DLG2: variants seen among roughly 807,000 people sequenced by gnomAD.
DLG2 encodes discs large MAGUK scaffold protein 2, also known as disks large homolog 2.
Under a neutral mutation model 132.5 loss-of-function variants are expected in DLG2, and 45 were observed. That is an observed-to-expected ratio of 0.34 (90% CI 0.27 to 0.44). The LOEUF (loss-of-function observed/expected upper bound fraction) is 0.44, where lower values mean the gene tolerates loss of function less well. DLG2 is among the 20% of genes least tolerant of loss of function. The pLI, the probability that DLG2 is intolerant of heterozygous loss-of-function variation, is 1.00. For missense variants in DLG2, 1,045 were observed against 1,196.9 expected, an observed-to-expected ratio of 0.87 and a Z score of 1.87; for synonymous variants, 424 against 419.6, an observed-to-expected ratio of 1.01 and a Z score of -0.13.
At chr11:83,815,704 T>C (rs894083539) in intron 17 of DLG2, among the ~76,000 whole-genome samples, 10 of 152,164 alleles carry the variant, frequency 6.6e-5, no homozygotes, top group Non-Finnish European at 1.3e-4. Context: ...GTTTGAATGT[T>C]CAGTGCCTTT....
At chr11:84,911,346 T>C (rs2092039208) in intron 6 of DLG2, among the ~76,000 whole-genome samples, 1 of 151,900 alleles carries the variant, frequency 6.6e-6, no homozygotes, top group Admixed American at 6.6e-5. Flanking sequence ...TCAAGTTTTT[T>C]ACAATCATCA....
intron 19 of DLG2, among the ~76,000 whole-genome samples, chr11:83,628,510 G>C (rs1200311785): frequency 6.6e-6 from 1 of 152,122 alleles, no homozygotes. Context: ...TAACTTCTCC[G>C]AGTTTCAGTT....
chr11:84,499,749 C>G (rs2099197162), intron 7 of DLG2, among the ~76,000 whole-genome samples: 1 of 148,410 alleles, frequency 6.7e-6, no homozygotes, highest in Admixed American at 6.7e-5. Flanking sequence ...TATATTCCTT[C>G]CTCTCTCTCT....
chr11:84,168,893 C>T (rs187078390), intron 8 of DLG2, among the ~76,000 whole-genome samples: 88 of 151,814 alleles, frequency 5.8e-4, no homozygotes, highest in African/African-American at 2.0e-3. Context: ...TAGTACCTTG[C>T]CAATATTCAT....
At chr11:84,912,219 G>T (rs545854574) in intron 6 of DLG2, among the ~76,000 whole-genome samples, 1 of 152,132 alleles carries the variant, frequency 6.6e-6, no homozygotes, top group Non-Finnish European at 1.5e-5. Flanking sequence ...GCGCGATCTC[G>T]ATCTCGGCTC....
chr11:85,287,746 T>TA (rs769554308), intron 3 of DLG2, among the ~76,000 whole-genome samples: 12 of 152,164 alleles, frequency 7.9e-5, no homozygotes, highest in Non-Finnish European at 1.5e-4. Context: ...CCAATGTCCA[T>TA]CAAAAGTGAA....
chr11:83,554,374 T>C lies in DLG2; in HGVS notation c.1941-12516A>G, dbSNP rs371088244. On this transcript the variant is annotated intron_variant, in intron 19 of 27. Coordinates refer to ENST00000376104, the MANE Select transcript of DLG2 (RefSeq NM_001142699.3). ...TGTTTACTTGCTCTGTGGCTATAGA[T>C]AAGGTTCTTAAATTCTGTTTCCTAC... 9.2e-5 allele frequency among the ~76,000 whole-genome samples: 14 copies of C among 152,306 alleles called. No homozygotes were observed. In the South Asian group the frequency reaches 2.7e-3, roughly 29 times the overall value.
chr11:84,303,980 C>G (rs1332421247), intron 7 of DLG2, among the ~76,000 whole-genome samples: 2 of 152,162 alleles, frequency 1.3e-5, no homozygotes, highest in East Asian at 1.9e-4. Context: ...GTGCTAAGCA[C>G]TAGGGAAACA....
intron 14 of DLG2, among the ~76,000 whole-genome samples, chr11:83,956,168 CTCAG>C (rs1424029042): frequency 6.6e-6 from 1 of 152,120 alleles, no homozygotes; most frequent in African/African-American, 2.4e-5. Flanking sequence ...GTTTTCATCG[CTCAG>C]TCAAATTATC....
intron 2 of DLG2, among the ~76,000 whole-genome samples, chr11:85,616,956 T>C (rs1037467488): frequency 6.6e-5 from 10 of 152,298 alleles, no homozygotes; most frequent in East Asian, 3.9e-4. Flanking sequence ...AGAAGTAAGC[T>C]GTTTTATATA....
At chr11:83,698,780 C>A (rs1038022976) in intron 18 of DLG2, among the ~76,000 whole-genome samples, 5 of 152,192 alleles carry the variant, frequency 3.3e-5, no homozygotes, top group Non-Finnish European at 7.3e-5. Context: ...ATCTCTTCCA[C>A]ATCCTATGTT....
intron 7 of DLG2, among the ~76,000 whole-genome samples, chr11:84,357,286 G>A (rs2098620807): frequency 6.6e-6 from 1 of 151,984 alleles, no homozygotes; most frequent in Admixed American, 6.6e-5. Context: ...ATACATTACT[G>A]TTCCTATTTT....
At chr11:84,296,602 C>T (rs2098091641) in intron 7 of DLG2, among the ~76,000 whole-genome samples, 1 of 152,010 alleles carries the variant, frequency 6.6e-6, no homozygotes, top group African/African-American at 2.4e-5. Flanking sequence ...CCATGCCTGG[C>T]TATGTTATTT....
intron 6 of DLG2, among the ~76,000 whole-genome samples, chr11:84,845,611 A>C (rs2081358830): frequency 2.6e-5 from 4 of 151,896 alleles, no homozygotes; most frequent in African/African-American, 9.7e-5. Context: ...ATCTATTGGC[A>C]GAATTTTAAT....
chr11:85,529,641 C>G (rs2075047768), intron 3 of DLG2, among the ~76,000 whole-genome samples: 1 of 152,158 alleles, frequency 6.6e-6, no homozygotes, highest in African/African-American at 2.4e-5. Context: ...TTTAATGACT[C>G]TGATCATACC....
At chr11:83,587,970 G>A (rs534325) in intron 19 of DLG2, among the ~76,000 whole-genome samples, 71,153 of 151,966 alleles carry the variant, frequency 0.47, 17,198 homozygotes, top group Admixed American at 0.57. Flanking sequence ...ATTATATCCC[G>A]CACCTGGCTC....
At chr11:84,105,051 A>G (rs1418242403) in intron 9 of DLG2, among the ~76,000 whole-genome samples, 1 of 152,146 alleles carries the variant, frequency 6.6e-6, no homozygotes, top group African/African-American at 2.4e-5. Flanking sequence ...TCAGACTTCA[A>G]TTACTATTTT....
intron 6 of DLG2, among the ~76,000 whole-genome samples, chr11:84,976,701 AATTT>A (rs1385328892): frequency 2.6e-5 from 4 of 152,126 alleles, no homozygotes; most frequent in Non-Finnish European, 5.9e-5. Flanking sequence ...CCAGCTGACA[AATTT>A]ATTGAGCTAC....
In DLG2 at chr11:85,607,672, T is replaced by C. The variant is rs147295115; in HGVS notation, c.-92-8884A>G. Among the ~76,000 whole-genome samples, 25 of 152,330 alleles carry C rather than the reference T, an allele frequency of 1.6e-4. 2 individuals are homozygous for C. In the East Asian group the frequency reaches 4.8e-3, roughly 29 times the overall value. On this transcript the variant is annotated intron_variant, in intron 2 of 27. Coordinates refer to ENST00000376104, the MANE Select transcript of DLG2 (RefSeq NM_001142699.3). ...ATAATTTTTGCCCAAAGCCCCGTCA[T>C]AGGGGAGACTATCTGGAATTTTAGG...
Sources: gnomAD v4.1 joint callset for allele counts (sites outside exome capture counted in the v4.1 genomes callset) on GRCh38, gnomAD v4.1.1 for gene constraint, MANE v1.5 for transcripts, NCBI Gene and HGNC (gene_info 2026-07-23, HGNC 2026-07-21) for gene names.